DCC: variants seen among roughly 807,000 people sequenced by gnomAD.
The protein encoded by DCC is DCC netrin 1 receptor.
A neutral mutation model predicts 172.5 loss-of-function variants in DCC; 58 were observed. The ratio of observed to expected loss-of-function variants is 0.34; its 90% CI spans 0.27 to 0.42. The LOEUF is 0.42. Ranked by LOEUF, DCC falls within the 10% of genes least tolerant of loss-of-function variation. DCC has a pLI of 1.00. For missense variants in DCC, 1,740 were observed against 1,791.0 expected (o/e 0.97, Z 0.51); for synonymous variants, 709 against 644.5 (o/e 1.10, Z -1.52).
chr18:53,450,167 A>G (rs184639786), intron 22 of DCC, among the ~76,000 whole-genome samples: 15 of 151,714 alleles, frequency 9.9e-5, no homozygotes, highest in African/African-American at 3.6e-4. Flanking sequence ...ACACATACAT[A>G]TGCATACATA....
intron 7 of DCC, among the ~76,000 whole-genome samples, chr18:53,133,134 CTTG>C (rs1240803493): frequency 6.6e-6 from 1 of 152,182 alleles, no homozygotes; most frequent in Non-Finnish European, 1.5e-5. Flanking sequence ...TGACCATTTT[CTTG>C]TTGTCTGTAT....
At chr18:52,393,987 G>GT (rs1479537161) in intron 1 of DCC, among the ~76,000 whole-genome samples, 1 of 151,970 alleles carries the variant, frequency 6.6e-6, no homozygotes, top group Non-Finnish European at 1.5e-5. Context: ...CCACACCATA[G>GT]TTGATTTGTA....
At chr18:53,461,857 T>C (rs2045563416) in intron 24 of DCC, among the ~76,000 whole-genome samples, 1 of 152,238 alleles carries the variant, frequency 6.6e-6, no homozygotes, top group African/African-American at 2.4e-5. Context: ...TTTCTCATGC[T>C]CAGCTAGATA....
At chr18:53,458,074 A>G (rs997480567) in intron 23 of DCC, among the ~76,000 whole-genome samples, 1 of 152,196 alleles carries the variant, frequency 6.6e-6, no homozygotes, top group Non-Finnish European at 1.5e-5. Flanking sequence ...TTGAGCAGCC[A>G]TGGAAGGTAG....
chr18:53,384,346 A>G (rs56217121), intron 15 of DCC, among the ~76,000 whole-genome samples: 64,590 of 151,910 alleles, frequency 0.43, 15,497 homozygotes, highest in Non-Finnish European at 0.55. Flanking sequence ...TCTAAGTCAT[A>G]TATTATTTTT....
At chr18:52,703,771 C>A (rs2036163966) in intron 1 of DCC, among the ~76,000 whole-genome samples, 1 of 146,114 alleles carries the variant, frequency 6.8e-6, no homozygotes, top group Admixed American at 7.0e-5. Context: ...TGACTGTTGA[C>A]TTAAAACTAA....
At chr18:53,119,724 A>C (rs1040596481) in intron 7 of DCC, among the ~76,000 whole-genome samples, 3 of 151,818 alleles carry the variant, frequency 2.0e-5, no homozygotes, top group African/African-American at 7.2e-5. Flanking sequence ...CATCATGATT[A>C]TCACATTGTT....
At chr18:52,344,780 A>G (rs950916950) in intron 1 of DCC, among the ~76,000 whole-genome samples, 4 of 100,966 alleles carry the variant, frequency 4.0e-5, no homozygotes, top group Non-Finnish European at 9.3e-5. Flanking sequence ...TTTGCATGTG[A>G]AACTTCTTCT....
At chr18:53,300,039 A>G (rs965599743) in intron 12 of DCC, among the ~76,000 whole-genome samples, 3 of 152,232 alleles carry the variant, frequency 2.0e-5, no homozygotes, top group Admixed American at 2.0e-4. Context: ...CTTAAAGAAT[A>G]GTGGAAACAA....
chr18:52,929,735 A>G (rs1396520882), intron 5 of DCC, among the ~76,000 whole-genome samples: 1 of 151,988 alleles, frequency 6.6e-6, no homozygotes, highest in Admixed American at 6.6e-5. Flanking sequence ...TGGTTTAAAA[A>G]TGAGATAAAT....
At chr18:53,437,106 C>A (rs1264661323) in intron 22 of DCC, among the ~76,000 whole-genome samples, 2 of 152,174 alleles carry the variant, frequency 1.3e-5, no homozygotes, top group Non-Finnish European at 2.9e-5. Flanking sequence ...AGCATTCAGA[C>A]CATAGCAAGC....
At chr18:52,839,687 A>C (rs1041750665) in intron 2 of DCC, among the ~76,000 whole-genome samples, 1 of 152,238 alleles carries the variant, frequency 6.6e-6, no homozygotes. Flanking sequence ...AAAATTTAAC[A>C]CATCTCCCTG....
chr18:52,789,505 A>G (rs976389736), intron 2 of DCC, among the ~76,000 whole-genome samples: 1 of 152,178 alleles, frequency 6.6e-6, no homozygotes, highest in Non-Finnish European at 1.5e-5. Context: ...TAAGCTGAGC[A>G]CTCTTTAAGA....
At chr18:52,677,749 G>A (rs2035671547) in intron 1 of DCC, among the ~76,000 whole-genome samples, 1 of 152,010 alleles carries the variant, frequency 6.6e-6, no homozygotes, top group African/African-American at 2.4e-5. Context: ...ATTTCTTTCT[G>A]AAGAAACTGC....
At chr18:52,469,433 A>G (rs1298016030) in intron 1 of DCC, among the ~76,000 whole-genome samples, 1 of 152,210 alleles carries the variant, frequency 6.6e-6, no homozygotes, top group Admixed American at 6.5e-5. Context: ...TTTATTTTAG[A>G]CAATATAACC....
rs531821401 is a variant in DCC at position 52,868,820 on chromosome 18, G to T, written c.413-37224G>T. Among the ~76,000 whole-genome samples, 12 of 152,316 alleles carry T rather than the reference G, an allele frequency of 7.9e-5. No individual in the cohort carries two copies. The South Asian group carries it at 2.3e-3, about 29-fold the overall frequency. On this transcript the variant is annotated intron_variant, in intron 2 of 28. Coordinates refer to ENST00000442544, the MANE Select transcript of DCC (RefSeq NM_005215.4). ...AGGGAGCACCAAGGGGTGTGGGAGT[G>T]AGCATGGGGTCCAGCCACTGCACAC...
intron 15 of DCC, among the ~76,000 whole-genome samples, chr18:53,354,031 C>G (rs1243828049): frequency 3.9e-5 from 6 of 152,076 alleles, no homozygotes; most frequent in Non-Finnish European, 7.4e-5. Context: ...TCTGTCCTTG[C>G]GATAGTTTGC....
At chr18:52,379,655 G>A (rs886944185) in intron 1 of DCC, among the ~76,000 whole-genome samples, 1 of 152,160 alleles carries the variant, frequency 6.6e-6, no homozygotes, top group African/African-American at 2.4e-5. Context: ...TCCACTGCTT[G>A]CAGTGTAGGG....
At chr18:53,145,282 T>G (rs986549375) in intron 7 of DCC, among the ~76,000 whole-genome samples, 5 of 151,878 alleles carry the variant, frequency 3.3e-5, no homozygotes, top group African/African-American at 1.2e-4. Context: ...CCCCGCTAAT[T>G]GTTTGTATTT....
Sources: gnomAD v4.1 joint callset for allele counts (sites outside exome capture counted in the v4.1 genomes callset) on GRCh38, gnomAD v4.1.1 for gene constraint, MANE v1.5 for transcripts, NCBI Gene and HGNC (gene_info 2026-07-23, HGNC 2026-07-21) for gene names.